The following OSBPL10 variants were observed in gnomAD, a reference collection of about 807,000 sequenced individuals.
The protein encoded by OSBPL10 is oxysterol-binding protein-related protein 10.
In OSBPL10, 49 loss-of-function variants were observed where a neutral mutation model predicts 81.7. That is an observed-to-expected ratio of 0.60 (90% CI 0.48 to 0.76). The LOEUF (loss-of-function observed/expected upper bound fraction) is 0.76. Among genes scored for constraint, OSBPL10 ranks in the 30% least tolerant of loss-of-function variants. OSBPL10 has a pLI of 0.00. For missense variants in OSBPL10, 923 were observed against 987.8 expected (o/e 0.93, Z 0.88); for synonymous variants, 419 against 383.6 (o/e 1.09, Z -1.08).
At chr3:31,980,521 G>A (rs1402437605) in intron 1 of OSBPL10, among the ~76,000 whole-genome samples, 1 of 152,194 alleles carries the variant, frequency 6.6e-6, no homozygotes, top group East Asian at 1.9e-4. Context: ...CACAAAGCAC[G>A]CCCCTTCTGC....
chr3:31,903,829 T>C (rs1001614197), intron 1 of OSBPL10, among the ~76,000 whole-genome samples: 12 of 152,100 alleles, frequency 7.9e-5, no homozygotes, highest in African/African-American at 2.4e-4. Context: ...GTCTCAACTT[T>C]GAAGCTTTTT....
intron 1 of OSBPL10, among the ~76,000 whole-genome samples, chr3:31,959,380 T>G (rs928867985): frequency 2.6e-5 from 4 of 152,236 alleles, no homozygotes; most frequent in African/African-American, 9.6e-5. Context: ...CTTTGTCTAC[T>G]GAAAACTACT....
intron 4 of OSBPL10, among the ~76,000 whole-genome samples, chr3:31,749,324 TA>T (rs2125700191): frequency 6.6e-6 from 1 of 152,342 alleles, no homozygotes; most frequent in South Asian, 2.1e-4. Flanking sequence ...ACGATGTTTT[TA>T]AAAAGATTAT....
intron 3 of OSBPL10, among the ~76,000 whole-genome samples, chr3:31,872,985 G>A (rs1389792237): frequency 6.6e-6 from 1 of 152,090 alleles, no homozygotes; most frequent in Non-Finnish European, 1.5e-5. Flanking sequence ...TCTACCTATA[G>A]AACATTCTAG....
chr3:31,925,463 T>A, intron 1 of OSBPL10, among the ~76,000 whole-genome samples: 1 of 149,006 alleles, frequency 6.7e-6, no homozygotes, highest in Non-Finnish European at 1.5e-5. Context: ...GAGTGACTGT[T>A]AAATTCATCA....
In OSBPL10 at chr3:32,000,732, T is replaced by C. The variant is rs142685412; in HGVS notation, n.298+45759A>G. 2.6e-4 allele frequency among the ~76,000 whole-genome samples: 40 copies of C among 152,300 alleles called. 1 individual carries two copies. In the East Asian group the frequency reaches 7.7e-3, roughly 29 times the overall value. ...GGTTACACTTCAGTTTCCAAGCCAA[T>C]TTTGAGAGGGAATAGAAAAATATTC... On this transcript the variant is annotated intron_variant and non_coding_transcript_variant, in intron 2 of 3. Transcript: ENST00000479173.
At chr3:31,929,816 C>T (rs897542326) in intron 1 of OSBPL10, among the ~76,000 whole-genome samples, 1 of 150,444 alleles carries the variant, frequency 6.6e-6, no homozygotes, top group Non-Finnish European at 1.5e-5. Context: ...AATAACCGAA[C>T]AGATACATGG....
At chr3:31,852,453 T>G (rs1700793573) in intron 3 of OSBPL10, among the ~76,000 whole-genome samples, 1 of 152,142 alleles carries the variant, frequency 6.6e-6, no homozygotes, top group Non-Finnish European at 1.5e-5. Flanking sequence ...TGGGATGAGG[T>G]GATGCACGTG....
chr3:31,893,789 T>C (rs1415707310), intron 1 of OSBPL10, among the ~76,000 whole-genome samples: 1 of 152,104 alleles, frequency 6.6e-6, no homozygotes, highest in Non-Finnish European at 1.5e-5. Context: ...ATATAAAACG[T>C]CCAGCAAAGG....
chr3:31,863,261 C>G (rs7615336), intron 3 of OSBPL10, among the ~76,000 whole-genome samples: 101,285 of 151,912 alleles, frequency 0.67, 35,135 homozygotes, highest in Middle Eastern at 0.79. Context: ...GCTGGGAAGA[C>G]AGGGTGGATA....
At chr3:32,013,162 C>T (rs1288557129) in intron 2 of OSBPL10, among the ~76,000 whole-genome samples, 1 of 152,144 alleles carries the variant, frequency 6.6e-6, no homozygotes, top group Non-Finnish European at 1.5e-5. Flanking sequence ...CACCACACTG[C>T]ACTTATTCCA....
chr3:32,038,971 T>A (rs887717211), intron 2 of OSBPL10, among the ~76,000 whole-genome samples: 22 of 151,956 alleles, frequency 1.4e-4, no homozygotes, highest in African/African-American at 5.3e-4. Context: ...ATAAAAAAAA[T>A]TAATTGAAAA....
At chr3:31,990,692 A>G in intron 2 of OSBPL10, 7 of 1,614,180 alleles carry the variant, frequency 4.3e-6, no homozygotes, top group Non-Finnish European at 5.9e-6. Context: ...GAGAAACCTT[A>G]CAAATGTGAA....
chr3:31,662,697 T>C lies in OSBPL10; in HGVS notation c.2251-581A>G, dbSNP rs946280974. The C allele has an allele frequency of 4.2e-5, 41 of 985,388 alleles. No individual in the cohort carries two copies. The African/African-American group carries it at 7.0e-4, about 17-fold the overall frequency. The allele number at this position is 985,388 out of a possible 1,614,324, so 61.0% of individuals were successfully genotyped here. On this transcript the variant is annotated intron_variant, in intron 11 of 11. Transcript: ENST00000396556. ...GTTCAGATGACTCTTATTCCTTACA[T>C]GTTCCCAGCCCTTCTGTTATGGGCA... is the stretch of plus-strand genomic sequence containing the variant.
At chr3:31,747,802 G>C in intron 5 of OSBPL10, 108 bp downstream of exon 5, 1 of 1,164,432 alleles carries the variant, frequency 8.6e-7, no homozygotes, top group South Asian at 1.3e-5. Context: ...TATAAGGATA[G>C]ATGGATGGAT....
intron 6 of OSBPL10, among the ~76,000 whole-genome samples, chr3:31,732,335 C>T (rs750316277): frequency 6.6e-6 from 1 of 152,176 alleles, no homozygotes; most frequent in Non-Finnish European, 1.5e-5. Context: ...TAATCCTATG[C>T]TGCTTGGAGA....
At chr3:31,871,801 G>T (rs1418588755) in intron 3 of OSBPL10, among the ~76,000 whole-genome samples, 1 of 152,126 alleles carries the variant, frequency 6.6e-6, no homozygotes, top group East Asian at 1.9e-4. Flanking sequence ...GGAGGTCAAG[G>T]CTGTAGCACT....
intron 2 of OSBPL10, among the ~76,000 whole-genome samples, chr3:32,040,819 A>T (rs962487130): frequency 6.6e-6 from 1 of 152,234 alleles, no homozygotes; most frequent in Non-Finnish European, 1.5e-5. Flanking sequence ...CCCTGGTGAC[A>T]GAGTGAGACT....
chr3:32,054,141 C>G (rs540907237), intron 1 of OSBPL10, among the ~76,000 whole-genome samples: 1 of 152,162 alleles, frequency 6.6e-6, no homozygotes, highest in East Asian at 1.9e-4. Context: ...TCATTTTGAC[C>G]AAGTGAATGA....
Sources: gnomAD v4.1 joint callset for allele counts (sites outside exome capture counted in the v4.1 genomes callset) on GRCh38, gnomAD v4.1.1 for gene constraint, MANE v1.5 for transcripts, NCBI Gene and HGNC (gene_info 2026-07-23, HGNC 2026-07-21) for gene names.